SRCAP: variants seen among roughly 807,000 people sequenced by gnomAD.
The protein encoded by SRCAP is Snf2 related CREBBP activator protein, also known as chromatin remodeling protein SRCAP.
Under a neutral mutation model 263.1 loss-of-function variants are expected in SRCAP, and 46 were observed. The observed-to-expected ratio is 0.17, with a 90% CI of 0.14 to 0.22. The LOEUF is 0.22. SRCAP is among the 10% of genes least tolerant of loss of function. The pLI, the probability that SRCAP is intolerant of heterozygous loss-of-function variation, is 1.00. For synonymous variants in SRCAP, 1,813 were observed against 1,662.1 expected, an observed-to-expected ratio of 1.09 and a Z score of -2.21; for missense variants, 3,695 against 4,181.9, an observed-to-expected ratio of 0.88 and a Z score of 3.21.
At chr16:30,722,039 G>A in intron 21 of SRCAP, 83 bp from the exon 22 acceptor site, 1 of 1,516,084 alleles carries the variant, frequency 6.6e-7, no homozygotes, top group Admixed American at 2.0e-5. Context: ...GGACACTCGG[G>A]GGAGAGGTGT....
chr16:30,720,204 C>T lies in SRCAP; in HGVS notation c.2860C>T (p.Arg954Cys), dbSNP rs2052996996. Residue 954 changes from arginine (R) to cysteine (C), a missense_variant, in exon 19 of 34, where the codon CGT becomes TGT. Transcript: ENST00000262518. ...ATTTGACCTTATTGGCCTGGAAGGT[C>T]GTGTCTCTCGATATGAGGCAGACAC... ...GRFDLIGLEG[R>C]VSRYEADTFL... 19 of 1,613,848 alleles carry T rather than the reference C, an allele frequency of 1.2e-5. No homozygotes were observed. Among genetic ancestry groups the T allele is most frequent in the Middle Eastern group, 1.7e-4 (1 of 6,060 alleles).
rs2052758170 is a variant in SRCAP at position 30,700,891 on chromosome 16, G to A, written c.54+13G>A. 1.2e-6 allele frequency: 2 copies of A among 1,613,910 alleles called. No homozygotes were observed. Among genetic ancestry groups the A allele is most frequent in the African/African-American group, 1.3e-5 (1 of 75,064 alleles). On this transcript the variant is annotated intron_variant, in intron 3 of 33. Coordinates refer to ENST00000262518, the MANE Select transcript of SRCAP (RefSeq NM_006662.3). ...CCTACAGACACAGGTTTGAAAGTGGGAAGAGTTCCTTCTCTGCTTCTGCTT... is the reference window on the plus strand; with the variant it reads ...CCTACAGACACAGGTTTGAAAGTGGAAAGAGTTCCTTCTCTGCTTCTGCTT...
intron 22 of SRCAP, 79 bp downstream of exon 22, chr16:30,722,365 A>G: frequency 6.4e-7 from 1 of 1,559,890 alleles, no homozygotes; most frequent in South Asian, 1.2e-5. Flanking sequence ...TTTGAATGTC[A>G]GCCTTTATGT....
At position 30,738,583 on chromosome 16, in the gene SRCAP, T is replaced by G. The variant is rs1374651681; in HGVS notation, c.8543T>G (p.Leu2848Arg). The change falls in exon 34 of 34, where the codon CTG (leucine) becomes CGG (arginine). Residue 2848 changes from leucine to arginine, a missense_variant. By Grantham distance (102) the Leu-to-Arg change is moderately radical. Around this residue, in one of 12 missense-constraint regions of SRCAP, gnomAD observed 1,207 missense variants for 1,142.9 expected, o/e 1.06. Transcript: ENST00000262518. ...GGSPENGDGA[L>R]LAITPPAVKR... ...AGCCCCGAGAATGGAGACGGAGCAC[T>G]GCTCGCCATCACCCCACCTGCTGTG... 5.6e-6 allele frequency: 9 copies of G among 1,606,618 alleles called. No individual in the cohort carries two copies. Among genetic ancestry groups the G allele is most frequent in the Non-Finnish European group, 7.7e-6 (9 of 1,176,224 alleles).
chr16:30,739,691 T>C lies in SRCAP; in HGVS notation c.9651T>C (p.Ala3217=). Residue 3217 remains alanine, a synonymous_variant, in exon 34 of 34, where the codon GCT becomes GCC. Coordinates refer to ENST00000262518, the MANE Select transcript of SRCAP (RefSeq NM_006662.3). ...GCAGCAGCGCCCCTCCCTCCCTGGCTGGCCCTGCTGTTAGTCACAGAGGCC... is the reference window on the plus strand; with the variant it reads ...GCAGCAGCGCCCCTCCCTCCCTGGCCGGCCCTGCTGTTAGTCACAGAGGCC... The part of the protein sequence containing the change: ...ILRSSAPPSL[A]GPAVSHRGRK... The C allele has an allele frequency of 1.3e-6, 2 of 1,528,258 alleles. No homozygotes were observed. Among genetic ancestry groups the C allele is most frequent in the Non-Finnish European group, 1.8e-6 (2 of 1,139,424 alleles). The allele number at this position is 1,528,258 out of a possible 1,614,324, so 94.7% of individuals were successfully genotyped here. A position where few individuals can be genotyped will look rare whatever the true frequency, so the allele number is the denominator to read the frequency against.
intron 3 of SRCAP, among the ~76,000 whole-genome samples, chr16:30,702,195 C>T (rs1203487925): frequency 6.6e-6 from 1 of 151,396 alleles, no homozygotes; most frequent in Non-Finnish European, 1.5e-5. Context: ...TCGTGATCCC[C>T]GCCTTACTCA....
intron 6 of SRCAP, among the ~76,000 whole-genome samples, chr16:30,709,298 A>G (rs1002077965): frequency 6.6e-5 from 10 of 151,592 alleles, no homozygotes; most frequent in Admixed American, 6.6e-4. Flanking sequence ...TTCAGATTGC[A>G]AACCTTCCCT....
rs778393787 is a variant in SRCAP, at chr16:30,736,538, C to T, written c.6925-3C>T. The stretch of plus-strand genomic sequence containing the variant: ...AGTTTATCACCACCGCTCCTCCTTG[C>T]AGCTGACCCCCATTGAGCGCTATGC... On this transcript the variant is annotated splice_polypyrimidine_tract_variant and splice_region_variant and intron_variant, in intron 32 of 33. Transcript: ENST00000262518. 9.3e-6 allele frequency: 15 copies of T among 1,614,180 alleles called. No individual in the cohort carries two copies. Among genetic ancestry groups the T allele is most frequent in the Admixed American group, 1.7e-5 (1 of 60,028 alleles).
chr16:30,713,203 C>G lies in SRCAP; in HGVS notation c.2131-5C>G. The G allele has an allele frequency of 6.2e-7, 1 of 1,613,758 alleles. No homozygotes were observed. Among genetic ancestry groups the G allele is most frequent in the Non-Finnish European group, 8.5e-7 (1 of 1,179,888 alleles). On this transcript the variant is annotated splice_region_variant and splice_polypyrimidine_tract_variant and intron_variant, in intron 14 of 33. Transcript: ENST00000262518. ...ATCTGCTACTTTCTGTCTTTGATCCCTCAGGGCTGGACCAAGCCCAATGCC... is the reference window on the plus strand; with the variant it reads ...ATCTGCTACTTTCTGTCTTTGATCCGTCAGGGCTGGACCAAGCCCAATGCC...
chr16:30,704,024 G>T (rs746426119), intron 3 of SRCAP, 40 bp from the exon 4 acceptor site: 1 of 1,586,672 alleles, frequency 6.3e-7, no homozygotes, highest in Non-Finnish European at 8.6e-7. Flanking sequence ...TCAGCACAGT[G>T]CGAAGCATTT....
intron 3 of SRCAP, among the ~76,000 whole-genome samples, chr16:30,703,493 C>CTATA (rs1224133759): frequency 6.6e-6 from 1 of 150,440 alleles, no homozygotes; most frequent in East Asian, 2.0e-4. Context: ...CACCCCCGGC[C>CTATA]TATATATATA....
In SRCAP at chr16:30,725,055, C is replaced by G. The variant is rs147477244; in HGVS notation, c.5631C>G (p.Pro1877=). Residue 1877 remains proline, a synonymous_variant, in exon 25 of 34, where the codon CCC becomes CCG. Coordinates refer to ENST00000262518, the MANE Select transcript of SRCAP (RefSeq NM_006662.3). ...GCCCCCGGCCTCGACGCCAGCCCCC[C>G]CCACCACCTCGTTCCCCTTTTTATC... ...FGGPRPRRQP[P]PPPRSPFYLD... 6.7e-4 allele frequency: 1,073 copies of G among 1,612,522 alleles called. 4 individuals carry two copies. The African/African-American group carries it at 6.9e-3, about 10-fold the overall frequency.
Position 30,739,738 on chromosome 16 carries a change from G to C in SRCAP, c.*5G>C. 6.8e-7 allele frequency: 1 copy of C among 1,465,724 alleles called. No homozygotes were observed. The highest frequency in any genetic ancestry group is 1.4e-5 in the South Asian group (1 of 70,610). The allele number at this position is 1,465,724 out of a possible 1,614,324, so 90.8% of individuals were successfully genotyped here. On this transcript the variant is annotated 3_prime_UTR_variant, in exon 34 of 34. Transcript: ENST00000262518. The stretch of plus-strand genomic sequence containing the variant: ...GGCCGCAAGGCCAAGACGTGAGTGG[G>C]CTGCCCCTCCACCTAGGCTTTCCAC...
Position 30,739,063 on chromosome 16 carries a change from G to A in SRCAP, c.9023G>A (p.Gly3008Asp). The A allele has an allele frequency of 6.2e-7, 1 of 1,614,206 alleles. No homozygotes were observed. The highest frequency in any genetic ancestry group is 8.5e-7 in the Non-Finnish European group (1 of 1,180,040). ...ISTSPPKRKR[G>D]RPPKNPPSPR... ...ACGTCCCCACCCAAACGGAAGAGGG[G>A]CCGACCTCCCAAGAATCCTCCATCA... Residue 3008 changes from glycine (G) to aspartate (D), a missense_variant, in exon 34 of 34, where the codon GGC becomes GAC. Coordinates refer to ENST00000262518, the MANE Select transcript of SRCAP (RefSeq NM_006662.3).
chr16:30,721,407 G>A lies in SRCAP; in HGVS notation c.3472G>A (p.Ala1158Thr). The A allele has an allele frequency of 6.2e-7, 1 of 1,613,676 alleles. No homozygotes were observed. Among genetic ancestry groups the A allele is most frequent in the East Asian group, 2.2e-5 (1 of 44,888 alleles). The change falls in exon 21 of 34, where the codon GCA (alanine) becomes ACA (threonine). Residue 1158 changes from alanine (A) to threonine (T), a missense_variant. By Grantham distance (58) the Ala-to-Thr change is moderately conservative. Transcript: ENST00000262518. ...STTTATATTT[A>T]VPAPTPAPQR... is the part of the protein sequence containing the mutation. ...CACCACGGCAACTGCTACCACCACA[G>A]CAGTGCCAGCTCCGACTCCTGCACC...
chr16:30,705,651 G>A (rs2052818939), intron 4 of SRCAP, among the ~76,000 whole-genome samples: 1 of 150,444 alleles, frequency 6.6e-6, no homozygotes. Context: ...TGCCAGCCTC[G>A]GCCTCTGAAA....
chr16:30,727,402 C>CT (rs377539022), intron 25 of SRCAP, among the ~76,000 whole-genome samples: 48 of 152,048 alleles, frequency 3.2e-4, no homozygotes, highest in African/African-American at 1.0e-3. Context: ...TACAAATAGT[C>CT]TTTTTTTTGA....
chr16:30,727,754 A>G (rs748854468), intron 25 of SRCAP, among the ~76,000 whole-genome samples: 1 of 152,096 alleles, frequency 6.6e-6, no homozygotes, highest in Admixed American at 6.5e-5. Flanking sequence ...GGGTTTCATC[A>G]TGTTGGCCAG....
At chr16:30,708,268 G>A (rs537605480) in intron 6 of SRCAP, among the ~76,000 whole-genome samples, 1 of 152,298 alleles carries the variant, frequency 6.6e-6, no homozygotes, top group East Asian at 1.9e-4. Flanking sequence ...GAGTGCAGTG[G>A]TACGATCACA....
Sources: allele counts gnomAD v4.1 joint callset (sites outside exome capture counted in the v4.1 genomes callset), GRCh38; gene constraint gnomAD v4.1.1; regional missense constraint gnomAD v4.1.1; transcripts MANE v1.5; gene names NCBI Gene and HGNC (gene_info 2026-07-23, HGNC 2026-07-21).